Variants in RPIA observed in about 807,000 individuals in gnomAD.
RPIA encodes the protein ribose 5-phosphate isomerase A, also known as ribose-5-phosphate isomerase.
A neutral mutation model predicts 37.8 loss-of-function variants in RPIA; 29 were observed. The observed-to-expected ratio is 0.77, with a 90% CI of 0.57 to 1.05. The LOEUF (loss-of-function observed/expected upper bound fraction) is 1.05. RPIA is among the 50% of genes least tolerant of loss of function. The pLI, the probability that RPIA is intolerant of heterozygous loss-of-function variation, is 0.00. For synonymous variants in RPIA, 167 were observed against 157.0 expected, an observed-to-expected ratio of 1.06 and a Z score of -0.48; for missense variants, 385 against 413.6, an observed-to-expected ratio of 0.93 and a Z score of 0.60.
intron 3 of RPIA, among the ~76,000 whole-genome samples, chr2:88,717,844 A>G (rs1673055297): frequency 6.6e-6 from 1 of 152,170 alleles, no homozygotes; most frequent in African/African-American, 2.4e-5. Flanking sequence ...TGTCCTGTGA[A>G]GAGAAAATAG....
intron 8 of RPIA, among the ~76,000 whole-genome samples, chr2:88,740,260 A>G (rs1193516330): frequency 6.6e-6 from 1 of 152,180 alleles, no homozygotes; most frequent in Admixed American, 6.5e-5. Context: ...CTTTGTAAGG[A>G]AATTTCCCTC....
intron 8 of RPIA, among the ~76,000 whole-genome samples, chr2:88,740,830 T>G (rs1409306222): frequency 6.6e-6 from 1 of 152,180 alleles, no homozygotes; most frequent in African/African-American, 2.4e-5. Context: ...GATTTAACTG[T>G]TTTTTGGATC....
intron 8 of RPIA, among the ~76,000 whole-genome samples, chr2:88,749,641 C>G (rs1673479560): frequency 6.6e-6 from 1 of 152,136 alleles, no homozygotes. Context: ...GACTTGCCAT[C>G]TGATATGTCT....
At chr2:88,739,032 C>A (rs115362912) in intron 8 of RPIA, among the ~76,000 whole-genome samples, 1 of 152,036 alleles carries the variant, frequency 6.6e-6, no homozygotes, top group Non-Finnish European at 1.5e-5. Context: ...GATGGCCCTG[C>A]GTGAAGGATG....
Position 88,691,997 on chromosome 2 carries a change from A to T in RPIA, c.285+14A>T. The T allele has an allele frequency of 1.9e-6, 3 of 1,576,446 alleles. No homozygotes were observed. The highest frequency in any genetic ancestry group is 2.6e-6 in the Non-Finnish European group (3 of 1,163,112). ...AACCACGTGAGGGTGAGCACTTCGA[A>T]ACGTGGGGCGCGGGGCGCATGTCCT... is the stretch of plus-strand genomic sequence containing the variant. On this transcript the variant is annotated intron_variant, in intron 1 of 8. Coordinates refer to ENST00000283646, the MANE Select transcript of RPIA (RefSeq NM_144563.3).
At chr2:88,726,146 A>G (rs1478476104) in intron 3 of RPIA, among the ~76,000 whole-genome samples, 1 of 152,128 alleles carries the variant, frequency 6.6e-6, no homozygotes, top group Non-Finnish European at 1.5e-5. Flanking sequence ...TGGGCCCCCC[A>G]GCTGCAGAAA....
intron 4 of RPIA, among the ~76,000 whole-genome samples, chr2:88,733,333 C>A (rs145120043): frequency 6.6e-6 from 1 of 152,128 alleles, no homozygotes; most frequent in African/African-American, 2.4e-5. Flanking sequence ...CCTGGAAAAC[C>A]AGGCAGGTTG....
Position 88,708,533 on chromosome 2 carries a change from T to C in RPIA, c.402+8469T>C, listed in dbSNP as rs900418370. ...AAAAAGAATCTTTTATTAATTTATTTTGGGGAAAGAAGTTTAGTTAAGCCT... is the reference window on the plus strand; with the variant it reads ...AAAAAGAATCTTTTATTAATTTATTCTGGGGAAAGAAGTTTAGTTAAGCCT... On this transcript the variant is annotated intron_variant, in intron 3 of 8. Transcript: ENST00000283646. 3.3e-5 allele frequency among the ~76,000 whole-genome samples: 5 copies of C among 152,192 alleles called. No homozygotes were observed. The East Asian group carries it at 9.6e-4, about 29-fold the overall frequency.
intron 7 of RPIA, 85 bp downstream of exon 7, chr2:88,736,761 T>C (rs1271195470): frequency 1.4e-6 from 2 of 1,477,226 alleles, no homozygotes; most frequent in Non-Finnish European, 1.8e-6. Context: ...AGTTAGGTCA[T>C]GTGTGCTTCC....
At chr2:88,697,088 G>C (rs917762805) in intron 1 of RPIA, among the ~76,000 whole-genome samples, 1 of 152,164 alleles carries the variant, frequency 6.6e-6, no homozygotes, top group Non-Finnish European at 1.5e-5. Flanking sequence ...AAACTTACTT[G>C]CTTTGTTAAC....
chr2:88,692,680 A>G (rs533863104), intron 1 of RPIA, among the ~76,000 whole-genome samples: 2 of 152,272 alleles, frequency 1.3e-5, no homozygotes, highest in South Asian at 4.1e-4. Flanking sequence ...GCTGTCACCA[A>G]TCAAGTATCT....
At chr2:88,714,473 CT>C (rs1673008607) in intron 3 of RPIA, among the ~76,000 whole-genome samples, 1 of 152,166 alleles carries the variant, frequency 6.6e-6, no homozygotes. Context: ...TGCCTGGCCC[CT>C]GTCTGCTCCT....
At chr2:88,718,973 A>G (rs1489167436) in intron 3 of RPIA, among the ~76,000 whole-genome samples, 1 of 152,228 alleles carries the variant, frequency 6.6e-6, no homozygotes, top group East Asian at 1.9e-4. Context: ...GACTTCTATT[A>G]GTTTAGTCCC....
intron 3 of RPIA, among the ~76,000 whole-genome samples, chr2:88,725,606 A>G (rs1026234990): frequency 2.0e-5 from 3 of 152,088 alleles, no homozygotes; most frequent in African/African-American, 7.2e-5. Flanking sequence ...TTTAATAAGG[A>G]CATCAGTCAT....
rs572122172 is a variant in RPIA, at chr2:88,699,869, A to C, written c.347-140A>C. 3 of 841,408 alleles carry C rather than the reference A, an allele frequency of 3.6e-6. No individual in the cohort carries two copies. In the South Asian group the frequency reaches 4.2e-5, roughly 12 times the overall value. The allele number at this position is 841,408 out of a possible 1,614,324, so 52.1% of individuals were successfully genotyped here. ...GGTACAGTCACCAACTTTCCCACCA[A>C]GGAGGGGGACACAGGATGAAAGGCA... is the stretch of plus-strand genomic sequence containing the variant. On this transcript the variant is annotated intron_variant, in intron 2 of 8. Coordinates refer to ENST00000283646, the MANE Select transcript of RPIA (RefSeq NM_144563.3).
chr2:88,710,365 A>G (rs10165070), intron 3 of RPIA, among the ~76,000 whole-genome samples: 9,398 of 152,256 alleles, frequency 0.062, 520 homozygotes, highest in African/African-American at 0.14. Context: ...CTGAAAGGAA[A>G]GAATAAGAGG....
chr2:88,741,310 G>A (rs757956575), intron 8 of RPIA, among the ~76,000 whole-genome samples: 1 of 152,162 alleles, frequency 6.6e-6, no homozygotes, highest in Non-Finnish European at 1.5e-5. Flanking sequence ...AACATACGAT[G>A]TTTGGGTTTC....
intron 3 of RPIA, among the ~76,000 whole-genome samples, chr2:88,707,505 T>C (rs1165240952): frequency 6.6e-6 from 1 of 152,176 alleles, no homozygotes; most frequent in Non-Finnish European, 1.5e-5. Flanking sequence ...TGCTCCAAGT[T>C]AAGGTGAGAG....
At chr2:88,740,292 A>G (rs75221796) in intron 8 of RPIA, among the ~76,000 whole-genome samples, 1 of 152,358 alleles carries the variant, frequency 6.6e-6, no homozygotes, top group East Asian at 1.9e-4. Context: ...TTCAAAAAAA[A>G]GTATGTAGAA....
Sources: gnomAD v4.1 joint callset for allele counts (sites outside exome capture counted in the v4.1 genomes callset) on GRCh38, gnomAD v4.1.1 for gene constraint, MANE v1.5 for transcripts, NCBI Gene and HGNC (gene_info 2026-07-23, HGNC 2026-07-21) for gene names.